The following DCP1B variants were observed in gnomAD, a reference collection of about 807,000 sequenced individuals.
DCP1B encodes decapping mRNA 1B.
Under a neutral mutation model 60.5 loss-of-function variants are expected in DCP1B, and 47 were observed. That is an observed-to-expected ratio of 0.78 (90% confidence interval 0.61 to 0.99). The LOEUF (loss-of-function observed/expected upper bound fraction) is 0.99, where lower values mean the gene tolerates loss of function less well. Among genes scored for constraint, DCP1B ranks in the 50% least tolerant of loss-of-function variants. DCP1B has a pLI of 0.00. For missense variants in DCP1B, 725 were observed against 756.8 expected (o/e 0.96, Z 0.49); for synonymous variants, 267 against 280.3 (o/e 0.95, Z 0.47).
chr12:1,990,984 C>CAAA (rs58516806), intron 3 of DCP1B: 113 of 324,306 alleles, frequency 3.5e-4, no homozygotes, highest in Middle Eastern at 9.3e-4. Flanking sequence ...ATAGAAAGGA[C>CAAA]AAAAAAAAAA....
chr12:1,965,678 T>C lies in DCP1B; in HGVS notation c.402A>G (p.Glu134=), dbSNP rs767747677. The C allele has an allele frequency of 5.6e-6, 9 of 1,611,256 alleles. No homozygotes were observed. The highest frequency in any genetic ancestry group is 5.5e-5 in the South Asian group (5 of 90,458). Residue 134 remains glutamate (E), a synonymous_variant, in exon 5 of 9, where the codon GAA becomes GAG. Coordinates refer to ENST00000280665, the MANE Select transcript of DCP1B (RefSeq NM_152640.5). ...AELMKNLTQY[E]QLKAHQGTGA... is the part of the protein sequence containing the mutation. The stretch of plus-strand genomic sequence containing the variant: ...CAGTTCCCTGATGGGCTTTCAACTG[T>C]TCATACTGAGTTAGGCTAGAAAAAC...
At chr12:1,989,404 A>AAAAGGG (rs779913681) in intron 3 of DCP1B, among the ~76,000 whole-genome samples, 33 of 151,858 alleles carry the variant, frequency 2.2e-4, no homozygotes, top group African/African-American at 5.8e-4. Flanking sequence ...AAGAGGAAAG[A>AAAAGGG]AAAGGGAAAG....
At chr12:2,001,158 T>C (rs923526388) in intron 1 of DCP1B, among the ~76,000 whole-genome samples, 2 of 152,212 alleles carry the variant, frequency 1.3e-5, no homozygotes, top group Admixed American at 6.5e-5. Context: ...TTCTGTTCTA[T>C]TACAGCTGCC....
chr12:1,988,340 A>T (rs916580490), intron 3 of DCP1B, among the ~76,000 whole-genome samples: 6 of 152,226 alleles, frequency 3.9e-5, no homozygotes, highest in African/African-American at 1.4e-4. Context: ...ATCTTAAGCT[A>T]GTTCTTAAAA....
intron 1 of DCP1B, among the ~76,000 whole-genome samples, chr12:2,003,053 C>T (rs2042552215): frequency 6.6e-6 from 1 of 152,196 alleles, no homozygotes; most frequent in Non-Finnish European, 1.5e-5. Flanking sequence ...TTGTGTTTGG[C>T]TACTAGGAGA....
At chr12:1,991,502 G>A (rs2039404890) in intron 3 of DCP1B, 1 of 235,628 alleles carries the variant, frequency 4.2e-6, no homozygotes, top group Non-Finnish European at 8.5e-6. Flanking sequence ...CCAAAATATT[G>A]TCATTTCAAC....
intron 5 of DCP1B, among the ~76,000 whole-genome samples, chr12:1,958,358 C>T (rs190545330): frequency 7.0e-6 from 1 of 142,806 alleles, no homozygotes. Context: ...TTCTATAAAC[C>T]TCCTGGAAGA....
In DCP1B at chr12:1,952,771, G is replaced by C; in HGVS notation, c.1169C>G (p.Ser390Cys). Reference sequence around the variant, plus strand: ...CTTTCCTGGAGCCACAGGGGTGACAGAAGTGGGAGCTCTGCTGCGGTTCAG... The same window carrying C: ...CTTTCCTGGAGCCACAGGGGTGACACAAGTGGGAGCTCTGCTGCGGTTCAG... ...AALNRSRAPT[S>C]VTPVAPGKGL... The change falls in exon 7 of 9, where the codon TCT becomes TGT. Residue 390 changes from serine (S) to cysteine (C), a missense_variant. Ser to Cys is a moderately radical substitution (Grantham distance 112, BLOSUM62 -1). Coordinates refer to ENST00000280665, the MANE Select transcript of DCP1B (RefSeq NM_152640.5). 6.2e-7 allele frequency: 1 copy of C among 1,614,224 alleles called. No individual in the cohort carries two copies. The highest frequency in any genetic ancestry group is 1.3e-5 in the African/African-American group (1 of 75,054).
Position 1,965,552 on chromosome 12 carries a change from A to G in DCP1B, c.522+6T>C. 2 of 1,610,576 alleles carry G rather than the reference A, an allele frequency of 1.2e-6. No homozygotes were observed. Among genetic ancestry groups the G allele is most frequent in the East Asian group, 4.5e-5 (2 of 44,708 alleles). The stretch of plus-strand genomic sequence containing the variant: ...GTATGTATCACAAGGAAGGGCAAAC[A>G]CTCACCTTTGTGTATTCGTCTTTGG... On this transcript the variant is annotated splice_donor_region_variant and intron_variant, in intron 5 of 8. Coordinates refer to ENST00000280665, the MANE Select transcript of DCP1B (RefSeq NM_152640.5).
chr12:1,946,803 G>A (rs1427073259), intron 8 of DCP1B, among the ~76,000 whole-genome samples: 1 of 152,142 alleles, frequency 6.6e-6, no homozygotes, highest in Non-Finnish European at 1.5e-5. Context: ...GGGTTCAAGC[G>A]ATCCTCCCAC....
rs1338995829 is a variant in DCP1B at position 1,972,332 on chromosome 12, C to T, written c.320-4422G>A. 2.0e-5 allele frequency among the ~76,000 whole-genome samples: 3 copies of T among 152,150 alleles called. No individual in the cohort carries two copies. The East Asian group carries it at 5.8e-4, about 29-fold the overall frequency. ...TTTGTGTAAACACTTGTTTCTGAGA[C>T]TTCATTCAAATATAATGTTTCTTGA... On this transcript the variant is annotated intron_variant, in intron 3 of 8. Transcript: ENST00000280665.
At chr12:1,950,902 C>T (rs1371279273) in intron 7 of DCP1B, among the ~76,000 whole-genome samples, 1 of 152,198 alleles carries the variant, frequency 6.6e-6, no homozygotes, top group Non-Finnish European at 1.5e-5. Flanking sequence ...CCTATCTTAA[C>T]CTCCAAAGTG....
At position 1,993,957 on chromosome 12, in the gene DCP1B, A is replaced by T. The variant is rs78432669; in HGVS notation, c.192-566T>A. On this transcript the variant is annotated intron_variant, in intron 2 of 8. Transcript: ENST00000280665. ...AGCCTGAACTAGAAGTTTACATAAC[A>T]GTGCAAAGGGCAGATACTTTGTTTT... 3.5e-3 allele frequency among the ~76,000 whole-genome samples: 540 copies of T among 152,350 alleles called. 2 individuals are homozygous for T. Among genetic ancestry groups the T allele is most frequent in the African/African-American group, 0.012 (484 of 41,572 alleles).
chr12:1,973,882 A>AG (rs1244810710), intron 3 of DCP1B, among the ~76,000 whole-genome samples: 2 of 152,228 alleles, frequency 1.3e-5, no homozygotes, highest in African/African-American at 2.4e-5. Flanking sequence ...AATATCATGC[A>AG]GGGAGTCCCT....
chr12:1,960,628 T>C (rs2031088211), intron 5 of DCP1B, among the ~76,000 whole-genome samples: 1 of 152,216 alleles, frequency 6.6e-6, no homozygotes, highest in South Asian at 2.1e-4. Context: ...CATATCAAAA[T>C]ATCATGTTGT....
intron 8 of DCP1B, 96 bp from the exon 9 acceptor site, chr12:1,946,382 GAGACAC>G (rs1421226939): frequency 1.2e-6 from 1 of 845,274 alleles, no homozygotes; most frequent in Non-Finnish European, 1.8e-6. Context: ...TTTGGATACT[GAGACAC>G]TCATCTCTCC....
chr12:1,971,230 TA>T lies in DCP1B; in HGVS notation c.320-3321del. ...AGAAACCCTAAAGTGAAATAAAGAG[TA>T]GGAAGAACATGTTGAAATTTACTCT... On this transcript the variant is annotated intron_variant, in intron 3 of 8. Coordinates refer to ENST00000280665, the MANE Select transcript of DCP1B (RefSeq NM_152640.5). The surrounding 1 kb of genome is among the most constrained non-coding windows in gnomAD (Gnocchi z 4.2). 8.1e-7 allele frequency: 1 copy of T among 1,234,824 alleles called. No individual in the cohort carries two copies. The highest frequency in any genetic ancestry group is 1.3e-5 in the South Asian group (1 of 79,298). 76.5% of individuals were successfully genotyped at this position (1,234,824 alleles called of 1,614,324 possible).
intron 3 of DCP1B, among the ~76,000 whole-genome samples, chr12:1,978,443 G>A (rs559545959): frequency 6.6e-6 from 1 of 152,168 alleles, no homozygotes; most frequent in African/African-American, 2.4e-5. Context: ...TAAATGTCAG[G>A]AAAATAAAGA....
intron 3 of DCP1B, among the ~76,000 whole-genome samples, chr12:1,987,756 C>T (rs2038217349): frequency 6.6e-6 from 1 of 152,168 alleles, no homozygotes; most frequent in African/African-American, 2.4e-5. Context: ...CAATATAATG[C>T]TTTCATATTC....
Sources: gnomAD v4.1 joint callset for allele counts (sites outside exome capture counted in the v4.1 genomes callset) on GRCh38, gnomAD v4.1.1 for gene constraint, Gnocchi (gnomAD v3.1) non-coding constraint, MANE v1.5 for transcripts, NCBI Gene and HGNC (gene_info 2026-07-23, HGNC 2026-07-21) for gene names.